The following KCNJ6 variants were observed in gnomAD, a reference collection of about 807,000 sequenced individuals.
KCNJ6 encodes the protein G protein-activated inward rectifier potassium channel 2.
KCNJ6 carries 9 observed loss-of-function variants against 34.2 expected under a neutral mutation model. The ratio of observed to expected loss-of-function variants is 0.26; its 90% CI spans 0.16 to 0.46. The LOEUF is 0.46. Among genes scored for constraint, KCNJ6 ranks in the 20% least tolerant of loss-of-function variants. The probability of loss-of-function intolerance (pLI) is 1.00; values close to 1 mark genes in which losing one functional copy is unlikely to be tolerated. For synonymous variants in KCNJ6, 196 were observed against 207.1 expected (o/e 0.95, Z 0.46); for missense variants, 236 against 531.3 (o/e 0.44, Z 5.46).
intron 2 of KCNJ6, among the ~76,000 whole-genome samples, chr21:37,795,547 C>G (rs2055237099): frequency 6.6e-6 from 1 of 152,034 alleles, no homozygotes; most frequent in Admixed American, 6.6e-5. Flanking sequence ...GAGTTCGAGG[C>G]CAGCCTGGCC....
At chr21:37,719,528 T>C (rs927051652) in intron 2 of KCNJ6, 2 of 152,174 alleles carry the variant, frequency 1.3e-5, no homozygotes, top group Non-Finnish European at 1.5e-5. Context: ...CTGTTAACCA[T>C]GAAATGCTGC....
chr21:37,825,203 C>A (rs1459440440), intron 2 of KCNJ6, among the ~76,000 whole-genome samples: 2 of 152,204 alleles, frequency 1.3e-5, no homozygotes, highest in East Asian at 3.8e-4. Context: ...GAATTAGGAT[C>A]TGGATCGTCG....
chr21:37,774,914 G>T (rs1177483934), intron 2 of KCNJ6, among the ~76,000 whole-genome samples: 1 of 152,196 alleles, frequency 6.6e-6, no homozygotes, highest in African/African-American at 2.4e-5. Flanking sequence ...AGATCCCTGA[G>T]GAATTGCCAC....
intron 2 of KCNJ6, among the ~76,000 whole-genome samples, chr21:37,736,391 C>T (rs2054913171): frequency 6.6e-6 from 1 of 152,092 alleles, no homozygotes; most frequent in Non-Finnish European, 1.5e-5. Context: ...ATGGGCTTTC[C>T]TTTTGGGGTA....
At chr21:37,672,641 G>T (rs2054547297) in intron 3 of KCNJ6, among the ~76,000 whole-genome samples, 1 of 152,038 alleles carries the variant, frequency 6.6e-6, no homozygotes, top group Non-Finnish European at 1.5e-5. Flanking sequence ...TATCAGCTAT[G>T]GTTGTTTCAC....
At chr21:37,853,848 A>ATATATATATATATATATG (rs2055550365) in intron 1 of KCNJ6, among the ~76,000 whole-genome samples, 1 of 83,302 alleles carries the variant, frequency 1.2e-5, no homozygotes, top group Non-Finnish European at 2.4e-5. Context: ...ATATATATGT[A>ATATATATATATATATATG]TATATATATA....
intron 2 of KCNJ6, among the ~76,000 whole-genome samples, chr21:37,798,733 G>T (rs2055255137): frequency 2.6e-5 from 4 of 152,100 alleles, no homozygotes; most frequent in African/African-American, 2.4e-5. Context: ...GTAGATCTGT[G>T]GTTGTTTGGG....
chr21:37,774,891 T>C (rs1015978914), intron 2 of KCNJ6, among the ~76,000 whole-genome samples: 11 of 152,194 alleles, frequency 7.2e-5, no homozygotes, highest in Admixed American at 1.3e-4. Context: ...GGTCAAATGG[T>C]ATTTCTAGTT....
At chr21:37,634,761 ATTT>A (rs66535658) in intron 3 of KCNJ6, among the ~76,000 whole-genome samples, 7 of 143,178 alleles carry the variant, frequency 4.9e-5, no homozygotes, top group African/African-American at 1.6e-4. Context: ...CATACAAATC[ATTT>A]TTTTTTTTTT....
At chr21:37,805,917 C>A (rs2055291333) in intron 2 of KCNJ6, among the ~76,000 whole-genome samples, 1 of 152,166 alleles carries the variant, frequency 6.6e-6, no homozygotes, top group Non-Finnish European at 1.5e-5. Flanking sequence ...GACAGCATGA[C>A]CCTGTTGACA....
chr21:37,748,827 G>A (rs1399594), intron 2 of KCNJ6, among the ~76,000 whole-genome samples: 39,560 of 151,852 alleles, frequency 0.26, 5,516 homozygotes, highest in East Asian at 0.51. Flanking sequence ...TTTTATCCCC[G>A]CAAAACTCGG....
chr21:37,700,861 C>T (rs2054687202), intron 3 of KCNJ6, among the ~76,000 whole-genome samples: 1 of 152,094 alleles, frequency 6.6e-6, no homozygotes, highest in Admixed American at 6.5e-5. Flanking sequence ...ATGCCTTTTG[C>T]TCATTTGCAT....
intron 3 of KCNJ6, among the ~76,000 whole-genome samples, chr21:37,638,167 G>A (rs1044231706): frequency 6.6e-6 from 1 of 152,176 alleles, no homozygotes; most frequent in African/African-American, 2.4e-5. Context: ...TTATTTTTAA[G>A]ATGGAGTCTC....
intron 2 of KCNJ6, among the ~76,000 whole-genome samples, chr21:37,785,289 G>T (rs1277076648): frequency 6.6e-6 from 1 of 152,182 alleles, no homozygotes; most frequent in Admixed American, 6.5e-5. Context: ...TTCCACAAGT[G>T]AGTTCTGAGA....
intron 3 of KCNJ6, among the ~76,000 whole-genome samples, chr21:37,626,745 C>T (rs948958512): frequency 5.9e-5 from 9 of 152,086 alleles, no homozygotes; most frequent in African/African-American, 1.7e-4. Context: ...GGCAAAAAGG[C>T]GTGGTGTCTA....
intron 1 of KCNJ6, among the ~76,000 whole-genome samples, chr21:37,912,399 T>G (rs2055871086): frequency 6.6e-6 from 1 of 152,224 alleles, no homozygotes; most frequent in Admixed American, 6.5e-5. Flanking sequence ...GACTGAACAA[T>G]TTCATATACC....
At chr21:37,632,987 G>A (rs779454589) in intron 3 of KCNJ6, among the ~76,000 whole-genome samples, 40 of 151,852 alleles carry the variant, frequency 2.6e-4, no homozygotes, top group Non-Finnish European at 4.1e-4. Flanking sequence ...CATTCTATAA[G>A]GCAAATAATC....
chr21:37,848,929 C>T (rs73423422), intron 1 of KCNJ6, among the ~76,000 whole-genome samples: 8 of 152,144 alleles, frequency 5.3e-5, no homozygotes, highest in African/African-American at 1.7e-4. Context: ...CAATGTTTCA[C>T]GAATTTCCCC....
At chr21:37,903,628 C>T (rs1179687872) in intron 1 of KCNJ6, among the ~76,000 whole-genome samples, 1 of 152,078 alleles carries the variant, frequency 6.6e-6, no homozygotes, top group Non-Finnish European at 1.5e-5. Context: ...TGGGAAGAAG[C>T]CAGGACAGAC....
Sources: allele counts gnomAD v4.1 joint callset (sites outside exome capture counted in the v4.1 genomes callset), GRCh38; gene constraint gnomAD v4.1.1; transcripts MANE v1.5; gene names NCBI Gene and HGNC (gene_info 2026-07-23, HGNC 2026-07-21).